The following NEK10 variants were observed in gnomAD, a reference collection of about 807,000 sequenced individuals.
NEK10 encodes the protein serine/threonine-protein kinase Nek10.
In NEK10, 122 loss-of-function variants were observed where a neutral mutation model predicts 159.8. That is an observed-to-expected ratio of 0.76 (90% confidence interval 0.66 to 0.89). The LOEUF is 0.89. Ranked by LOEUF, NEK10 falls within the 40% of genes least tolerant of loss-of-function variation. NEK10 has a pLI of 0.00. For missense variants in NEK10, 1,342 were observed against 1,323.1 expected (o/e 1.01, Z -0.22); for synonymous variants, 466 against 457.1 (o/e 1.02, Z -0.25).
intron 28 of NEK10, among the ~76,000 whole-genome samples, chr3:27,172,731 T>G (rs1947124607): frequency 6.6e-6 from 1 of 152,104 alleles, no homozygotes; most frequent in Admixed American, 6.5e-5. Context: ...ATCACAAGTA[T>G]CCATAAATAG....
chr3:27,266,196 G>C (rs1431186906), intron 22 of NEK10, among the ~76,000 whole-genome samples: 1 of 152,160 alleles, frequency 6.6e-6, no homozygotes, highest in Non-Finnish European at 1.5e-5. Context: ...CTTTGACTAA[G>C]TCAAATTTAT....
rs369529645 is a variant in NEK10, at chr3:27,117,317, A to T, written c.3191-1190T>A. Among the ~76,000 whole-genome samples the T allele has an allele frequency of 1.0e-3, 155 of 152,254 alleles. 1 individual carries two copies. Among genetic ancestry groups the T allele is most frequent in the African/African-American group, 3.7e-3 (153 of 41,556 alleles). ...GTGCATGTATCTTTATAAGGGAATG[A>T]TTTATTTTTCTTTGGGTATATACCC... is the stretch of plus-strand genomic sequence containing the variant. On this transcript the variant is annotated intron_variant, in intron 33 of 35. Coordinates refer to ENST00000691995, the MANE Select transcript of NEK10 (RefSeq NM_001394966.1).
At chr3:27,211,813 T>TG in intron 23 of NEK10, among the ~76,000 whole-genome samples, 1 of 152,024 alleles carries the variant, frequency 6.6e-6, no homozygotes, top group African/African-American at 2.4e-5. Context: ...ATATACTAAT[T>TG]AATTGATTGA....
intron 25 of NEK10, among the ~76,000 whole-genome samples, chr3:27,196,390 C>T (rs927586120): frequency 6.6e-6 from 1 of 152,184 alleles, no homozygotes; most frequent in Non-Finnish European, 1.5e-5. Flanking sequence ...AAGCCCTTTC[C>T]TTCTACAACT....
At chr3:27,191,781 G>T (rs952343840) in intron 26 of NEK10, among the ~76,000 whole-genome samples, 1 of 152,168 alleles carries the variant, frequency 6.6e-6, no homozygotes, top group African/African-American at 2.4e-5. Flanking sequence ...TTCGCTAAGA[G>T]AACTTTGTGA....
intron 30 of NEK10, among the ~76,000 whole-genome samples, chr3:27,142,050 T>A (rs753132736): frequency 2.0e-5 from 3 of 152,058 alleles, no homozygotes; most frequent in East Asian, 1.9e-4. Context: ...CAAAAAAAAA[T>A]GAAAATTCTT....
chr3:27,352,523 T>A lies in NEK10; in HGVS notation c.74A>T (p.Asp25Val), dbSNP rs754765643. Residue 25 changes from aspartate to valine, a missense_variant and splice_region_variant, in exon 3 of 36, where the codon GAC becomes GTC. Coordinates refer to ENST00000691995, the MANE Select transcript of NEK10 (RefSeq NM_001394966.1). ...TDKQQEITIR[D>V]YSDLKRLRCL... Reference sequence around the variant, plus strand: ...CCGAAGTCTTTTAAGATCTGAATAGTCCCTAGGAGAGAGAATAACACAATG... The same window carrying A: ...CCGAAGTCTTTTAAGATCTGAATAGACCCTAGGAGAGAGAATAACACAATG... 7 of 1,605,622 alleles carry A rather than the reference T, an allele frequency of 4.4e-6. No homozygotes were observed. In the South Asian group the frequency reaches 7.7e-5, roughly 18 times the overall value.
chr3:27,294,957 C>A (rs1360681793), intron 15 of NEK10, among the ~76,000 whole-genome samples: 1 of 152,090 alleles, frequency 6.6e-6, no homozygotes, highest in Non-Finnish European at 1.5e-5. Flanking sequence ...CCTCCCCAAA[C>A]CACACACCCC....
intron 5 of NEK10, among the ~76,000 whole-genome samples, 185 bp from the exon 6 acceptor site, chr3:27,322,446 T>A (rs640065): frequency 0.4 from 61,227 of 151,916 alleles, 16,067 homozygotes; most frequent in African/African-American, 0.76. Flanking sequence ...AACTATCTTT[T>A]TCAGTGTGGA....
chr3:27,210,302 C>G (rs755870698), intron 23 of NEK10, among the ~76,000 whole-genome samples: 1 of 152,148 alleles, frequency 6.6e-6, no homozygotes, highest in Non-Finnish European at 1.5e-5. Context: ...GGCAAAGGGG[C>G]TGAGGGTGCT....
chr3:27,169,864 T>A (rs1214033831), intron 29 of NEK10, among the ~76,000 whole-genome samples: 1 of 152,186 alleles, frequency 6.6e-6, no homozygotes, highest in African/African-American at 2.4e-5. Flanking sequence ...AACAGGAACC[T>A]GATCCCAGCC....
chr3:27,131,199 C>T (rs1330679289), intron 32 of NEK10, among the ~76,000 whole-genome samples: 1 of 152,136 alleles, frequency 6.6e-6, no homozygotes, highest in East Asian at 1.9e-4. Context: ...TACCAATTGT[C>T]TTTACCTAGG....
At chr3:27,272,486 G>C (rs1184571849) in intron 22 of NEK10, among the ~76,000 whole-genome samples, 1 of 152,152 alleles carries the variant, frequency 6.6e-6, no homozygotes, top group Admixed American at 6.5e-5. Flanking sequence ...CTGCAAAAAA[G>C]GGGATGCACT....
intron 1 of NEK10, among the ~76,000 whole-genome samples, chr3:27,354,856 G>A (rs560602382): frequency 5.3e-5 from 8 of 152,252 alleles, no homozygotes; most frequent in Middle Eastern, 3.4e-3. Context: ...TGAGAGCCTG[G>A]CTCTCATATT....
chr3:27,150,056 C>T (rs1207550160), intron 30 of NEK10, among the ~76,000 whole-genome samples: 1 of 152,184 alleles, frequency 6.6e-6, no homozygotes, highest in Non-Finnish European at 1.5e-5. Context: ...AGGAAGGCCC[C>T]AACCCTCTTC....
intron 30 of NEK10, among the ~76,000 whole-genome samples, chr3:27,154,275 C>T (rs1380357789): frequency 1.3e-5 from 2 of 152,078 alleles, no homozygotes; most frequent in Non-Finnish European, 2.9e-5. Flanking sequence ...CTGAACAGAC[C>T]TATAACAAGC....
intron 28 of NEK10, among the ~76,000 whole-genome samples, chr3:27,173,668 A>G (rs1947225587): frequency 6.6e-6 from 1 of 152,200 alleles, no homozygotes; most frequent in Non-Finnish European, 1.5e-5. Flanking sequence ...TTTTCATAGT[A>G]TAGTCACTGA....
intron 1 of NEK10, among the ~76,000 whole-genome samples, chr3:27,357,562 A>G (rs2048403338): frequency 6.6e-6 from 1 of 152,142 alleles, no homozygotes; most frequent in African/African-American, 2.4e-5. Context: ...TTTGGTTCAA[A>G]TCCTGTTCAG....
intron 1 of NEK10, among the ~76,000 whole-genome samples, chr3:27,364,348 T>TTTTGTG (rs1431340158): frequency 5.8e-5 from 7 of 120,568 alleles, no homozygotes; most frequent in African/African-American, 2.1e-4. Context: ...GCCTGGCTAA[T>TTTTGTG]TGTGTGTGTG....
Sources: gnomAD v4.1 joint callset for allele counts (sites outside exome capture counted in the v4.1 genomes callset) on GRCh38, gnomAD v4.1.1 for gene constraint, MANE v1.5 for transcripts, NCBI Gene and HGNC (gene_info 2026-07-23, HGNC 2026-07-21) for gene names.